AGO2: variants seen among roughly 807,000 people sequenced by gnomAD.
AGO2 encodes the protein argonaute RISC catalytic component 2, also known as protein argonaute-2.
AGO2 carries 5 observed loss-of-function variants against 102.3 expected under a neutral mutation model. That is an observed-to-expected ratio of 0.05 (90% confidence interval 0.03 to 0.10). The LOEUF (loss-of-function observed/expected upper bound fraction) is 0.10, where lower values mean the gene tolerates loss of function less well. Ranked by LOEUF, AGO2 falls within the 10% of genes least tolerant of loss-of-function variation. AGO2 has a pLI of 1.00. For synonymous variants in AGO2, 449 were observed against 473.1 expected (o/e 0.95, Z 0.66); for missense variants, 541 against 1,183.7 (o/e 0.46, Z 7.97).
intron 10 of AGO2, chr8:140,555,634 G>T: frequency 2.2e-6 from 1 of 446,188 alleles, no homozygotes; most frequent in Non-Finnish European, 3.9e-6. Context: ...GTCACACACA[G>T]AATGGTGCTC....
chr8:140,562,714 C>T, intron 3 of AGO2, 80 bp from the exon 4 acceptor site: 3 of 1,529,880 alleles, frequency 2.0e-6, no homozygotes, highest in African/African-American at 1.4e-5. Context: ...GGTTGGCTTC[C>T]AGACACTCCT....
In AGO2 at chr8:140,595,930, AAT is replaced by A. The variant is rs1564107062; in HGVS notation, c.23-10621_23-10620del. The stretch of plus-strand genomic sequence containing the variant: ...TTATATAATATATATTATGTATATA[AAT>A]TATATAATATATATTTTATATATAA... On this transcript the variant is annotated intron_variant, in intron 1 of 18. Coordinates refer to ENST00000220592, the MANE Select transcript of AGO2 (RefSeq NM_012154.5). 3.5e-4 allele frequency among the ~76,000 whole-genome samples: 30 copies of A among 86,444 alleles called. 2 individuals are homozygous for A. Among genetic ancestry groups the A allele is most frequent in the African/African-American group, 1.2e-3 (28 of 23,346 alleles). 56.7% of individuals were successfully genotyped at this position (86,444 alleles called of 152,430 possible).
At chr8:140,538,966 T>C (rs991029152) in intron 16 of AGO2, among the ~76,000 whole-genome samples, 3 of 151,764 alleles carry the variant, frequency 2.0e-5, no homozygotes, top group Non-Finnish European at 2.9e-5. Flanking sequence ...TAACCAGGTG[T>C]GGTGGTGCAT....
In AGO2 at chr8:140,547,632, G is replaced by A; in HGVS notation, c.1589-5C>T. The A allele has an allele frequency of 6.2e-7, 1 of 1,610,040 alleles. No individual in the cohort carries two copies. Among genetic ancestry groups the A allele is most frequent in the Non-Finnish European group, 8.5e-7 (1 of 1,177,888 alleles). On this transcript the variant is annotated splice_polypyrimidine_tract_variant and splice_region_variant and intron_variant, in intron 12 of 18. Coordinates refer to ENST00000220592, the MANE Select transcript of AGO2 (RefSeq NM_012154.5). Reference sequence around the variant, plus strand: ...CTCCCACGCGCTTGACCTCGGCTAAGGGACATGAGAGGCACACACAGCTCT... The same window carrying A: ...CTCCCACGCGCTTGACCTCGGCTAAAGGACATGAGAGGCACACACAGCTCT...
rs2073710079 is a variant in AGO2, at chr8:140,589,181, T to C, written c.23-3870A>G. The stretch of plus-strand genomic sequence containing the variant: ...TCTGTGCCACCTGCCCTGAGGGCCA[T>C]CTAAGTAAGGGACAGGGATGGGGGA... On this transcript the variant is annotated intron_variant, in intron 1 of 18. Coordinates refer to ENST00000220592, the MANE Select transcript of AGO2 (RefSeq NM_012154.5). This position sits in a 1 kb window ranked among gnomAD's most constrained non-coding sequence, Gnocchi z 4.2. Among the ~76,000 whole-genome samples the C allele has an allele frequency of 6.6e-6, 1 of 152,146 alleles. No individual in the cohort carries two copies. Among genetic ancestry groups the C allele is most frequent in the Admixed American group, 6.5e-5 (1 of 15,282 alleles).
At chr8:140,594,439 A>T (rs527728520) in intron 1 of AGO2, among the ~76,000 whole-genome samples, 3 of 152,270 alleles carry the variant, frequency 2.0e-5, no homozygotes, top group African/African-American at 7.2e-5. Context: ...CTGGGATTAC[A>T]GGCATGAGCC....
At chr8:140,566,599 TTTC>T (rs1189934801) in intron 3 of AGO2, among the ~76,000 whole-genome samples, 1 of 146,886 alleles carries the variant, frequency 6.8e-6, no homozygotes, top group African/African-American at 2.5e-5. Context: ...CCCCCTTTAC[TTTC>T]TTTTTTTTTT....
intron 14 of AGO2, chr8:140,541,569 A>C: frequency 2.0e-6 from 1 of 500,042 alleles, no homozygotes; most frequent in Non-Finnish European, 3.5e-6. Context: ...TGAAGTACAA[A>C]AGTTTGCCAA....
intron 2 of AGO2, among the ~76,000 whole-genome samples, chr8:140,579,523 T>A (rs2073519809): frequency 6.6e-6 from 1 of 152,170 alleles, no homozygotes; most frequent in African/African-American, 2.4e-5. Context: ...CCTAACCACT[T>A]GCTACTTAGT....
At chr8:140,579,367 T>G (rs532205394) in intron 2 of AGO2, among the ~76,000 whole-genome samples, 1 of 152,352 alleles carries the variant, frequency 6.6e-6, no homozygotes, top group African/African-American at 2.4e-5. Context: ...TGTTTTATTA[T>G]TTTTATACAC....
intron 7 of AGO2, 119 bp downstream of exon 7, chr8:140,558,366 A>G: frequency 8.8e-7 from 1 of 1,131,576 alleles, no homozygotes; most frequent in Non-Finnish European, 1.3e-6. Context: ...TTGGGATTGA[A>G]AAACAGCATG....
At chr8:140,544,410 G>T in intron 13 of AGO2, 107 bp from the exon 14 acceptor site, 1 of 880,478 alleles carries the variant, frequency 1.1e-6, no homozygotes, top group Non-Finnish European at 1.7e-6. Flanking sequence ...TCATGGTAAT[G>T]CTTTTGAAAA....
Position 140,539,938 on chromosome 8 carries a change from T to C in AGO2, c.2035-484A>G, listed in dbSNP as rs2072765045. Among the ~76,000 whole-genome samples, 2 of 151,942 alleles carry C rather than the reference T, an allele frequency of 1.3e-5. No homozygotes were observed. Among genetic ancestry groups the C allele is most frequent in the Non-Finnish European group, 2.9e-5 (2 of 67,978 alleles). The stretch of plus-strand genomic sequence containing the variant: ...CCCATTTCTACTAAAAATACAAAAA[T>C]TAACTGGGCGTGGTGGTGGGCACCT... On this transcript the variant is annotated intron_variant, in intron 15 of 18. Transcript: ENST00000220592. The surrounding 1 kb of genome is among the most constrained non-coding windows in gnomAD (Gnocchi z 4.7).
At chr8:140,641,295 A>AACACACACACACAC in the AGO2 span, among the ~76,000 whole-genome samples, 13 of 146,870 alleles carry the variant, frequency 8.9e-5, no homozygotes, top group African/African-American at 2.8e-4. Flanking sequence ...GCTGTCTCAA[A>AACACACACACACAC]ACACACACAC....
chr8:140,521,117 T>C lies in AGO2; in HGVS notation c.*10927A>G, dbSNP rs1193379203. On this transcript the variant is annotated 3_prime_UTR_variant, in exon 19 of 19. Coordinates refer to ENST00000220592, the MANE Select transcript of AGO2 (RefSeq NM_012154.5). ...CAGGTTCTTTTTCTTGAGGTACCTA[T>C]ATAAATTTAATCACCTGCCCCAAAG... 3 of 152,176 alleles carry C rather than the reference T, an allele frequency of 2.0e-5. No homozygotes were observed. Among genetic ancestry groups the C allele is most frequent in the Non-Finnish European group, 2.9e-5 (2 of 68,030 alleles). The allele number at this position is 152,176 out of a possible 1,614,324, so 9.4% of individuals were successfully genotyped here.
chr8:140,576,494 A>G (rs1295338651), intron 2 of AGO2, among the ~76,000 whole-genome samples: 3 of 152,240 alleles, frequency 2.0e-5, no homozygotes, highest in Non-Finnish European at 4.4e-5. Flanking sequence ...GACACATGGC[A>G]GAAGAGGATA....
In AGO2 at chr8:140,603,741, C is replaced by A. The variant is rs77958935; in HGVS notation, c.23-18430G>T. On this transcript the variant is annotated intron_variant, in intron 1 of 18. Transcript: ENST00000220592. ...ATTTAACAGACTCCCTCAAGAGGGGCTTGCTCCAGCCCCACGCTGCTGTGG... is the reference window on the plus strand; with the variant it reads ...ATTTAACAGACTCCCTCAAGAGGGGATTGCTCCAGCCCCACGCTGCTGTGG... Among the ~76,000 whole-genome samples the A allele has an allele frequency of 2.7e-3, 409 of 152,356 alleles. 1 individual carries two copies. The highest frequency in any genetic ancestry group is 9.4e-3 in the African/African-American group (392 of 41,590).
intron 2 of AGO2, among the ~76,000 whole-genome samples, chr8:140,578,171 C>T (rs2073496463): frequency 6.6e-6 from 1 of 152,208 alleles, no homozygotes; most frequent in African/African-American, 2.4e-5. Context: ...AGAAACTGGA[C>T]CTCGTGGCTG....
chr8:140,558,453 G>C lies in AGO2; in HGVS notation c.878+32C>G, dbSNP rs376744647. ...CGTCGGAGTGACAGTGGGGGCCCCA[G>C]CCAAGAGAGTCTGAAAGGAAGGGCG... On this transcript the variant is annotated intron_variant, in intron 7 of 18. Coordinates refer to ENST00000220592, the MANE Select transcript of AGO2 (RefSeq NM_012154.5). 216 of 1,613,038 alleles carry C rather than the reference G, an allele frequency of 1.3e-4. No homozygotes were observed. In the African/African-American group the frequency reaches 2.5e-3, roughly 19 times the overall value.
Sources: gnomAD v4.1 joint callset for allele counts (sites outside exome capture counted in the v4.1 genomes callset) on GRCh38, gnomAD v4.1.1 for gene constraint, Gnocchi (gnomAD v3.1) non-coding constraint, MANE v1.5 for transcripts, NCBI Gene and HGNC (gene_info 2026-07-23, HGNC 2026-07-21) for gene names.